IFT56: variants seen among roughly 807,000 people sequenced by gnomAD.
IFT56 encodes intraflagellar transport 56, also known as intraflagellar transport protein 56.
At chr7:139,187,481 G>A in the IFT56 span, 2 of 1,614,142 alleles carry the variant, frequency 1.2e-6, no homozygotes, top group Non-Finnish European at 1.7e-6. Context: ...ATATTGGGAA[G>A]GCAAACGGGG....
the IFT56 span, among the ~76,000 whole-genome samples, chr7:139,172,148 AC>A: frequency 0.063 from 6,587 of 105,314 alleles, 251 homozygotes; most frequent in African/African-American, 0.28. Context: ...AAAAAAAATT[AC>A]TTAATGCTAA....
chr7:139,144,970 T>C, the IFT56 span, among the ~76,000 whole-genome samples: 1 of 152,216 alleles, frequency 6.6e-6, no homozygotes. Context: ...GGCAATATTG[T>C]GTTTAATGCT....
At chr7:139,182,106 G>C in the IFT56 span, among the ~76,000 whole-genome samples, 27 of 151,976 alleles carry the variant, frequency 1.8e-4, no homozygotes, top group Non-Finnish European at 3.5e-4. Context: ...GTGGAGGGGC[G>C]GGGGGAGTTG....
chr7:139,149,989 G>A, the IFT56 span, among the ~76,000 whole-genome samples: 192 of 152,088 alleles, frequency 1.3e-3, no homozygotes, highest in African/African-American at 4.6e-3. Context: ...AAATATGTGG[G>A]TATAAATAGA....
the IFT56 span, chr7:139,142,296 G>A: frequency 1.2e-6 from 2 of 1,613,396 alleles, no homozygotes; most frequent in African/African-American, 1.3e-5. Flanking sequence ...TCTTCCACTT[G>A]GCTCACAAGG....
chr7:139,187,433 GC>G, the IFT56 span: 1 of 1,614,104 alleles, frequency 6.2e-7, no homozygotes, highest in Non-Finnish European at 8.5e-7. Flanking sequence ...TTCTGCCAAA[GC>G]TTTTGATGTC....
chr7:139,134,669 C>CA, the IFT56 span: 1 of 1,609,800 alleles, frequency 6.2e-7, no homozygotes, highest in Non-Finnish European at 8.5e-7. Context: ...TTTCAAGGGC[C>CA]AAACCTGCTG....
chr7:139,139,605 AT>A, the IFT56 span, among the ~76,000 whole-genome samples: 2 of 152,218 alleles, frequency 1.3e-5, no homozygotes, highest in Non-Finnish European at 2.9e-5. Context: ...CAGAAATAAA[AT>A]AGTTCAGTTA....
the IFT56 span, among the ~76,000 whole-genome samples, chr7:139,139,732 G>C: frequency 5.3e-5 from 8 of 152,174 alleles, no homozygotes; most frequent in Non-Finnish European, 1.0e-4. Context: ...TTTAGCTTCA[G>C]TATTTAACCT....
At chr7:139,141,517 A>AC in the IFT56 span, among the ~76,000 whole-genome samples, 1 of 152,188 alleles carries the variant, frequency 6.6e-6, no homozygotes, top group Admixed American at 6.5e-5. Flanking sequence ...TATGTTACTT[A>AC]CTTTATCTCA....
the IFT56 span, among the ~76,000 whole-genome samples, chr7:139,156,495 A>T: frequency 6.6e-6 from 1 of 151,952 alleles, no homozygotes; most frequent in Non-Finnish European, 1.5e-5. Flanking sequence ...TTTTAACTGC[A>T]TCCCGTAAGT....
At chr7:139,185,878 G>A in the IFT56 span, among the ~76,000 whole-genome samples, 1,041 of 151,928 alleles carry the variant, frequency 6.9e-3, 33 homozygotes, top group African/African-American at 0.024. Context: ...AAAAATCTTC[G>A]CGTGAGATTA....
the IFT56 span, among the ~76,000 whole-genome samples, chr7:139,175,673 G>T: frequency 3.9e-5 from 6 of 152,064 alleles, 1 homozygote; most frequent in South Asian, 1.2e-3. Context: ...CTTATTTGTG[G>T]GAGCTAAAAA....
At chr7:139,152,112 T>C in the IFT56 span, among the ~76,000 whole-genome samples, 1 of 152,324 alleles carries the variant, frequency 6.6e-6, no homozygotes, top group Non-Finnish European at 1.5e-5. Flanking sequence ...TTTTCTGGTA[T>C]CCTCTTTTTA....
the IFT56 span, chr7:139,173,991 T>G: frequency 9.4e-6 from 6 of 635,298 alleles, no homozygotes; most frequent in East Asian, 1.4e-4. Flanking sequence ...TAATGAATTT[T>G]CATCATTTTC....
the IFT56 span, among the ~76,000 whole-genome samples, chr7:139,186,443 TA>T: frequency 6.6e-6 from 1 of 151,176 alleles, no homozygotes; most frequent in Non-Finnish European, 1.5e-5. Flanking sequence ...AAAAAAAGAA[TA>T]AAAATTTTTT....
chr7:139,148,415 A>C, the IFT56 span: 1 of 1,566,360 alleles, frequency 6.4e-7, no homozygotes, highest in Non-Finnish European at 8.8e-7. Context: ...ACTTCATTCC[A>C]ATTTGAATTA....
chr7:139,143,573 G>C, the IFT56 span, among the ~76,000 whole-genome samples: 1 of 151,178 alleles, frequency 6.6e-6, no homozygotes, highest in Non-Finnish European at 1.5e-5. Flanking sequence ...TAAATTTAAG[G>C]TGACTCTTAT....
the IFT56 span, among the ~76,000 whole-genome samples, chr7:139,153,648 G>A: frequency 1.3e-5 from 2 of 152,088 alleles, no homozygotes; most frequent in African/African-American, 2.4e-5. Flanking sequence ...TCATGTTGTA[G>A]CATCTATCAG....
Sources: gnomAD v4.1 joint callset for allele counts (sites outside exome capture counted in the v4.1 genomes callset) on GRCh38, gnomAD v4.1.1 for gene constraint, MANE v1.5 for transcripts, NCBI Gene and HGNC (gene_info 2026-07-23, HGNC 2026-07-21) for gene names.